Variants in PTK2 observed in about 807,000 individuals in gnomAD.
PTK2 encodes the protein protein tyrosine kinase 2.
In PTK2, 45 loss-of-function variants were observed where a neutral mutation model predicts 150.1. The ratio of observed to expected loss-of-function variants is 0.30; its 90% CI spans 0.24 to 0.38. PTK2 has a LOEUF of 0.38. PTK2 is among the 10% of genes least tolerant of loss of function. The pLI, the probability that PTK2 is intolerant of heterozygous loss-of-function variation, is 1.00. For missense variants in PTK2, 919 were observed against 1,307.3 expected, an observed-to-expected ratio of 0.70 and a Z score of 4.58; for synonymous variants, 432 against 449.2, an observed-to-expected ratio of 0.96 and a Z score of 0.48.
intron 1 of PTK2, among the ~76,000 whole-genome samples, chr8:140,960,707 C>T (rs768182298): frequency 1.3e-5 from 2 of 152,092 alleles, no homozygotes; most frequent in Non-Finnish European, 2.9e-5. Flanking sequence ...ATAGGCTGGG[C>T]GCGGTGGCTC....
intron 7 of PTK2, chr8:140,832,980 AG>A (rs543507142): frequency 5.0e-4 from 257 of 519,038 alleles, no homozygotes; most frequent in African/African-American, 3.8e-3. Flanking sequence ...TAATCAACCC[AG>A]CTACACATCT....
At chr8:140,872,227 T>G (rs1380449520) in intron 4 of PTK2, among the ~76,000 whole-genome samples, 1 of 151,892 alleles carries the variant, frequency 6.6e-6, no homozygotes, top group Non-Finnish European at 1.5e-5. Context: ...GTACTTTTGG[T>G]AGCGACGGGG....
At chr8:140,837,827 T>C (rs1313238140) in intron 7 of PTK2, among the ~76,000 whole-genome samples, 1 of 151,316 alleles carries the variant, frequency 6.6e-6, no homozygotes, top group Non-Finnish European at 1.5e-5. Context: ...AGAAGGCCGA[T>C]GCGGGCTGAT....
intron 4 of PTK2, among the ~76,000 whole-genome samples, chr8:140,873,545 A>G (rs2100143820): frequency 6.6e-6 from 1 of 151,918 alleles, no homozygotes; most frequent in Admixed American, 6.6e-5. Context: ...GGCTCACTGC[A>G]ACCTCTACCT....
intron 14 of PTK2, among the ~76,000 whole-genome samples, chr8:140,776,523 T>C (rs1289862149): frequency 6.6e-6 from 1 of 152,102 alleles, no homozygotes; most frequent in African/African-American, 2.4e-5. Context: ...GCAGGAGCAA[T>C]TTGGATTTGT....
In PTK2 at chr8:140,701,034, G is replaced by A. The variant is rs1202849141; in HGVS notation, c.2368-12C>T. ...AATACTGTAGAGTCCTGGAAGAAGG[G>A]TTGAAAACAGCATATTCAGTCTCAT... On this transcript the variant is annotated splice_polypyrimidine_tract_variant and intron_variant, in intron 25 of 31. Transcript: ENST00000522684. 2 of 1,612,072 alleles carry A rather than the reference G, an allele frequency of 1.2e-6. No individual in the cohort carries two copies. Among genetic ancestry groups the A allele is most frequent in the South Asian group, 1.1e-5 (1 of 90,692 alleles).
intron 2 of PTK2, among the ~76,000 whole-genome samples, chr8:140,918,603 C>T (rs895358489): frequency 6.6e-6 from 1 of 152,078 alleles, no homozygotes; most frequent in Admixed American, 6.5e-5. Context: ...CAAATTCAAC[C>T]GCACAGTGAG....
intron 1 of PTK2, among the ~76,000 whole-genome samples, chr8:140,991,074 G>C (rs910002090): frequency 6.6e-6 from 1 of 152,128 alleles, no homozygotes; most frequent in Non-Finnish European, 1.5e-5. Flanking sequence ...AGATATAACA[G>C]ATTTAAGCGA....
intron 10 of PTK2, among the ~76,000 whole-genome samples, 182 bp from the exon 11 acceptor site, chr8:140,803,832 T>G (rs2100096735): frequency 6.6e-6 from 1 of 152,168 alleles, no homozygotes; most frequent in Admixed American, 6.5e-5. Context: ...TCTCCTGCAC[T>G]TCAAGGTCAG....
chr8:140,739,963 C>CAT (rs201745344), intron 20 of PTK2, among the ~76,000 whole-genome samples: 9,813 of 152,240 alleles, frequency 0.064, 1,040 homozygotes, highest in African/African-American at 0.22. Context: ...GAATTACAAA[C>CAT]ATGTTAGCCA....
At chr8:140,829,824 C>T (rs1034648998) in intron 8 of PTK2, among the ~76,000 whole-genome samples, 1 of 152,116 alleles carries the variant, frequency 6.6e-6, no homozygotes. Flanking sequence ...TAGAAAATGG[C>T]AGAGCTCATC....
intron 20 of PTK2, among the ~76,000 whole-genome samples, chr8:140,740,789 A>G (rs2100055215): frequency 6.6e-6 from 1 of 152,274 alleles, no homozygotes; most frequent in Non-Finnish European, 1.5e-5. Context: ...TTAAATGACT[A>G]AACAATTAAA....
At position 140,905,498 on chromosome 8, in the gene PTK2, A is replaced by G. The variant is rs556761294; in HGVS notation, c.-32-14729T>C. Among the ~76,000 whole-genome samples the G allele has an allele frequency of 9.7e-4, 147 of 152,322 alleles. 2 individuals are homozygous for G. Among genetic ancestry groups the G allele is most frequent in the Admixed American group, 2.6e-4 (4 of 15,296 alleles). On this transcript the variant is annotated intron_variant, in intron 2 of 31. Transcript: ENST00000522684. ...CTAACTATCTTAAATATATATATGC[A>G]CCCAATACAGGAGCACCCAGATTCA...
At chr8:140,881,958 G>C (rs545802194) in intron 3 of PTK2, among the ~76,000 whole-genome samples, 1 of 152,190 alleles carries the variant, frequency 6.6e-6, no homozygotes, top group Non-Finnish European at 1.5e-5. Context: ...GTGGATCTGA[G>C]TGACACAGCC....
chr8:140,835,291 C>T (rs1185433654), intron 7 of PTK2, among the ~76,000 whole-genome samples: 4 of 152,200 alleles, frequency 2.6e-5, no homozygotes, highest in East Asian at 3.8e-4. Context: ...TATTTCTCTT[C>T]TGGCAATATT....
chr8:140,746,817 A>C (rs974857571), exon 18 of PTK2: 6 of 1,613,744 alleles, frequency 3.7e-6, no homozygotes, highest in Admixed American at 1.7e-5. Flanking sequence ...TGATGACTCC[A>C]ATCAGCTTCA....
chr8:140,670,516 CACACACACACACACACACACACAT>C (rs2095118727), intron 29 of PTK2, among the ~76,000 whole-genome samples: 2 of 129,548 alleles, frequency 1.5e-5, no homozygotes, highest in African/African-American at 2.7e-5. Context: ...CACACACACA[CACACACACACACACACACACACAT>C]TGGGAGCTTA....
intron 31 of PTK2, chr8:140,662,699 C>T: frequency 3.4e-6 from 2 of 593,172 alleles, no homozygotes; most frequent in South Asian, 2.0e-5. Context: ...AAGTCAATGT[C>T]CAGTTGGTCA....
At chr8:140,842,807 CT>C (rs1048463925) in intron 7 of PTK2, among the ~76,000 whole-genome samples, 1 of 152,114 alleles carries the variant, frequency 6.6e-6, no homozygotes, top group Non-Finnish European at 1.5e-5. Flanking sequence ...AAAGATTCCT[CT>C]TTCTTTTAAC....
Sources: allele counts gnomAD v4.1 joint callset (sites outside exome capture counted in the v4.1 genomes callset), GRCh38; gene constraint gnomAD v4.1.1; transcripts MANE v1.5; gene names NCBI Gene and HGNC (gene_info 2026-07-23, HGNC 2026-07-21).